MBD1: variants seen among roughly 807,000 people sequenced by gnomAD.
MBD1 encodes the protein methyl-CpG-binding domain protein 1.
A neutral mutation model predicts 82.6 loss-of-function variants in MBD1; 25 were observed. The ratio of observed to expected loss-of-function variants is 0.30; its 90% confidence interval spans 0.22 to 0.42. The LOEUF is 0.42. Among genes scored for constraint, MBD1 ranks in the 10% least tolerant of loss-of-function variants. The probability of loss-of-function intolerance (pLI) is 1.00; values close to 1 mark genes in which losing one functional copy is unlikely to be tolerated. For missense variants in MBD1, 627 were observed against 819.6 expected (o/e 0.76, Z 2.87); for synonymous variants, 301 against 303.7 (o/e 0.99, Z 0.09).
At chr18:50,281,329 G>A in intron 1 of MBD1, 34 bp downstream of exon 1, 3 of 1,121,522 alleles carry the variant, frequency 2.7e-6, no homozygotes, top group South Asian at 2.7e-5. Context: ...CTCCGCCTGA[G>A]CGCTCTCCAC....
At chr18:50,277,057 A>G (rs969869722) in intron 3 of MBD1, 33 bp downstream of exon 3, 2 of 1,613,784 alleles carry the variant, frequency 1.2e-6, no homozygotes, top group African/African-American at 1.3e-5. Flanking sequence ...TGGCACATCC[A>G]CCCCTACCTA....
chr18:50,270,162 G>A, intron 16 of MBD1: 2 of 1,598,110 alleles, frequency 1.3e-6, no homozygotes, highest in Admixed American at 3.3e-5. Context: ...AAAGGAAGGG[G>A]TGGGGAAGGT....
chr18:50,281,439 G>C lies in MBD1; in HGVS notation c.-102C>G. On this transcript the variant is annotated 5_prime_UTR_variant, in exon 1 of 17. Coordinates refer to ENST00000269468, the MANE Select transcript of MBD1 (RefSeq NM_015846.4). ...GGCGAGGGTCCCTCCTGCACCTCCCGCCTCGCCCTCCTCCCCTTCCTCCTC... is the reference window on the plus strand; with the variant it reads ...GGCGAGGGTCCCTCCTGCACCTCCCCCCTCGCCCTCCTCCCCTTCCTCCTC... 1 of 590,174 alleles carries C rather than the reference G, an allele frequency of 1.7e-6. No individual in the cohort carries two copies. The highest frequency in any genetic ancestry group is 3.0e-6 in the Non-Finnish European group (1 of 330,572). The allele number at this position is 590,174 out of a possible 1,614,324, so 36.6% of individuals were successfully genotyped here.
chr18:50,268,219 C>G (rs569436684), downstream of MBD1, among the ~76,000 whole-genome samples: 1 of 151,912 alleles, frequency 6.6e-6, no homozygotes, highest in African/African-American at 2.4e-5. Flanking sequence ...ACGCCTTGGG[C>G]CCGAAGTACG....
At chr18:50,280,483 C>G (rs963999651) in intron 1 of MBD1, among the ~76,000 whole-genome samples, 2 of 151,898 alleles carry the variant, frequency 1.3e-5, no homozygotes, top group Non-Finnish European at 2.9e-5. Context: ...CTCATTCCCC[C>G]CTTCCTTGAC....
At chr18:50,280,259 T>C (rs1011877882) in intron 1 of MBD1, among the ~76,000 whole-genome samples, 13 of 152,074 alleles carry the variant, frequency 8.5e-5, no homozygotes, top group African/African-American at 2.7e-4. Flanking sequence ...CTCAGTGTCC[T>C]AATCCCCTAC....
chr18:50,273,191 G>T, intron 13 of MBD1, 143 bp downstream of exon 13: 1 of 1,336,976 alleles, frequency 7.5e-7, no homozygotes. Flanking sequence ...TAGGGTGTCT[G>T]TTAGACAGGC....
At chr18:50,279,776 T>C in intron 2 of MBD1, 107 bp downstream of exon 2, 1 of 1,438,184 alleles carries the variant, frequency 7.0e-7, no homozygotes, top group Non-Finnish European at 9.6e-7. Context: ...AAGGATTAAC[T>C]GTATGTGCAT....
intron 15 of MBD1, 48 bp downstream of exon 15, chr18:50,272,629 T>C (rs370873129): frequency 5.0e-6 from 8 of 1,604,704 alleles, no homozygotes; most frequent in Non-Finnish European, 6.0e-6. Context: ...AGGGCCCACA[T>C]CTGGCCAACA....
At position 50,275,651 on chromosome 18, in the gene MBD1, G is replaced by T; in HGVS notation, c.741C>A (p.Pro247=). The T allele has an allele frequency of 6.2e-7, 1 of 1,614,190 alleles. No individual in the cohort carries two copies. The highest frequency in any genetic ancestry group is 8.5e-7 in the Non-Finnish European group (1 of 1,180,024). Residue 247 remains proline, a synonymous_variant, in exon 8 of 17, where the codon CCC becomes CCA. Coordinates refer to ENST00000269468, the MANE Select transcript of MBD1 (RefSeq NM_015846.4). ...CGHCPICLRP[P]RPGLRRQWKC... ...TCCACTGGCGCCTGAGACCAGGGCG[G>T]GGAGGGCGAAGGCAGATGGGGCAAT...
Position 50,269,034 on chromosome 18 carries a change from G to A in MBD1, c.*817C>T. Reference sequence around the variant, plus strand: ...AAAGTTGGAAATCCATTCACCATTTGTAATACATATTGATGCATTTAATAA... The same window carrying A: ...AAAGTTGGAAATCCATTCACCATTTATAATACATATTGATGCATTTAATAA... On this transcript the variant is annotated 3_prime_UTR_variant, in exon 17 of 17. Coordinates refer to ENST00000269468, the MANE Select transcript of MBD1 (RefSeq NM_015846.4). 1.0e-6 allele frequency: 1 copy of A among 986,062 alleles called. No homozygotes were observed. Among genetic ancestry groups the A allele is most frequent in the Non-Finnish European group, 1.2e-6 (1 of 830,346 alleles). 61.1% of individuals were successfully genotyped at this position (986,062 alleles called of 1,614,324 possible). A position where few individuals can be genotyped will look rare whatever the true frequency, so the allele number is the denominator to read the frequency against.
intron 2 of MBD1, among the ~76,000 whole-genome samples, chr18:50,277,854 T>G (rs1275673223): frequency 2.6e-5 from 4 of 152,150 alleles, no homozygotes; most frequent in Non-Finnish European, 4.4e-5. Context: ...CTTAATATTA[T>G]TTAAAAAAAA....
chr18:50,279,026 A>AT (rs1193001166), intron 2 of MBD1, among the ~76,000 whole-genome samples: 2 of 152,222 alleles, frequency 1.3e-5, no homozygotes, highest in Non-Finnish European at 2.9e-5. Context: ...CTTAACAGGT[A>AT]TTTTTAAAAT....
chr18:50,270,021 A>G (rs749354006), intron 16 of MBD1: 1 of 1,598,080 alleles, frequency 6.3e-7, no homozygotes, highest in East Asian at 2.2e-5. Context: ...CTAAATGTCA[A>G]TCAAATAAAT....
rs1342358595 is a variant in MBD1, at chr18:50,272,395, G to A, written c.1778+282C>T. On this transcript the variant is annotated intron_variant, in intron 15 of 16. Coordinates refer to ENST00000269468, the MANE Select transcript of MBD1 (RefSeq NM_015846.4). Reference sequence around the variant, plus strand: ...TATAGAAATTCCTTAGGAAAATAGGGACCAGACTCCCTATCTTTTTCTTTC... The same window carrying A: ...TATAGAAATTCCTTAGGAAAATAGGAACCAGACTCCCTATCTTTTTCTTTC... The A allele has an allele frequency of 6.2e-6, 3 of 485,974 alleles. No individual in the cohort carries two copies. The East Asian group carries it at 1.2e-4, about 19-fold the overall frequency. The allele number at this position is 485,974 out of a possible 1,614,324, so 30.1% of individuals were successfully genotyped here.
At chr18:50,276,219 C>A in intron 6 of MBD1, 159 bp downstream of exon 6, 1 of 850,046 alleles carries the variant, frequency 1.2e-6, no homozygotes, top group Non-Finnish European at 1.9e-6. Context: ...GGATTAATTA[C>A]CCCATTAATT....
intron 2 of MBD1, among the ~76,000 whole-genome samples, chr18:50,277,910 C>G (rs1451311853): frequency 6.6e-6 from 1 of 152,174 alleles, no homozygotes; most frequent in African/African-American, 2.4e-5. Context: ...TAATACAACC[C>G]TCTTCACGTC....
intron 13 of MBD1, 185 bp from the exon 14 acceptor site, chr18:50,273,140 G>C: frequency 8.3e-7 from 1 of 1,201,650 alleles, no homozygotes. Flanking sequence ...TTTTCTGTTA[G>C]CTGGATAGCA....
At chr18:50,271,097 G>A (rs1225900015) in intron 16 of MBD1, 2 of 1,060,496 alleles carry the variant, frequency 1.9e-6, no homozygotes, top group Non-Finnish European at 2.3e-6. Flanking sequence ...TCTCCCTGAG[G>A]AAGTATGTAG....
Sources: allele counts gnomAD v4.1 joint callset (sites outside exome capture counted in the v4.1 genomes callset), GRCh38; gene constraint gnomAD v4.1.1; transcripts MANE v1.5; gene names NCBI Gene and HGNC (gene_info 2026-07-23, HGNC 2026-07-21).